The following LRRFIP2 variants were observed in gnomAD, a reference collection of about 807,000 sequenced individuals.
LRRFIP2 encodes leucine-rich repeat flightless-interacting protein 2.
LRRFIP2 carries 109 observed loss-of-function variants against 125.9 expected under a neutral mutation model. The ratio of observed to expected loss-of-function variants is 0.87; its 90% CI spans 0.74 to 1.01. The LOEUF (loss-of-function observed/expected upper bound fraction) is 1.01. LRRFIP2 is among the 50% of genes least tolerant of loss of function. The probability of loss-of-function intolerance (pLI) is 0.00; values close to 1 mark genes in which losing one functional copy is unlikely to be tolerated. For missense variants in LRRFIP2, 850 were observed against 862.3 expected, an observed-to-expected ratio of 0.99 and a Z score of 0.18; for synonymous variants, 291 against 293.1, an observed-to-expected ratio of 0.99 and a Z score of 0.07.
chr3:37,137,754 C>A (rs1159953697), intron 2 of LRRFIP2, among the ~76,000 whole-genome samples: 1 of 152,190 alleles, frequency 6.6e-6, no homozygotes, highest in Non-Finnish European at 1.5e-5. Context: ...TAAACACTTA[C>A]ATTTCTAACA....
rs769019476 is a variant in LRRFIP2, at chr3:37,091,419, CA to C, written c.1107+47del. Reference sequence around the variant, plus strand: ...GAACTTGCAAAGCCACCATTGCCAACACTTCTGCATACAGAGCATGCTTGGG... The same window carrying C: ...GAACTTGCAAAGCCACCATTGCCAACCTTCTGCATACAGAGCATGCTTGGG... On this transcript the variant is annotated intron_variant, in intron 18 of 27. Transcript: ENST00000336686. The C allele has an allele frequency of 1.4e-4, 205 of 1,485,404 alleles. 3 individuals carry two copies. In the Admixed American group the frequency reaches 1.5e-3, roughly 11 times the overall value. The allele number at this position is 1,485,404 out of a possible 1,614,324, so 92.0% of individuals were successfully genotyped here.
At chr3:37,108,517 T>C in intron 12 of LRRFIP2, 120 bp downstream of exon 12, 1 of 777,736 alleles carries the variant, frequency 1.3e-6, no homozygotes. Flanking sequence ...CCAGGTCAGA[T>C]TAAATGACTT....
Position 37,149,105 on chromosome 3 carries a change from T to A in LRRFIP2, c.-55-67A>T, listed in dbSNP as rs2095938523. ...TGCAATTTTCATGCTCATTTATATA[T>A]TCACTTTTAACAGAGAAATTAGTCA... On this transcript the variant is annotated intron_variant, in intron 1 of 27. Coordinates refer to ENST00000336686, the MANE Select transcript of LRRFIP2 (RefSeq NM_006309.4). The A allele has an allele frequency of 7.4e-6, 10 of 1,349,924 alleles. No individual in the cohort carries two copies. The African/African-American group carries it at 1.5e-4, about 20-fold the overall frequency. 83.6% of individuals were successfully genotyped at this position (1,349,924 alleles called of 1,614,324 possible). A position where few individuals can be genotyped will look rare whatever the true frequency, so the allele number is the denominator to read the frequency against.
intron 21 of LRRFIP2, chr3:37,067,569 C>G (rs1314704428): frequency 6.6e-6 from 1 of 152,194 alleles, no homozygotes; most frequent in South Asian, 2.1e-4. Flanking sequence ...AAATTGATAG[C>G]TGAATAGCTG....
Position 37,115,102 on chromosome 3 carries a change from T to A in LRRFIP2, c.331-7A>T. On this transcript the variant is annotated splice_polypyrimidine_tract_variant and splice_region_variant and intron_variant, in intron 6 of 27. Coordinates refer to ENST00000336686, the MANE Select transcript of LRRFIP2 (RefSeq NM_006309.4). Reference sequence around the variant, plus strand: ...TATCCTTGAACATATCATACTGGGTTTCAGCAAAACATGAAAGTTGGTTTG... The same window carrying A: ...TATCCTTGAACATATCATACTGGGTATCAGCAAAACATGAAAGTTGGTTTG... 1 of 1,583,998 alleles carries A rather than the reference T, an allele frequency of 6.3e-7. No individual in the cohort carries two copies. Among genetic ancestry groups the A allele is most frequent in the Non-Finnish European group, 8.6e-7 (1 of 1,159,366 alleles).
chr3:37,129,180 C>A, intron 2 of LRRFIP2, 31 bp from the exon 3 acceptor site: 1 of 1,592,722 alleles, frequency 6.3e-7, no homozygotes. Context: ...CAGCTTTATA[C>A]AACAAAAACA....
rs546921607 is a variant in LRRFIP2, at chr3:37,094,794, G to T, written c.1033C>A (p.Arg345=). 1.3e-5 allele frequency: 21 copies of T among 1,607,376 alleles called. No individual in the cohort carries two copies. The highest frequency in any genetic ancestry group is 1.7e-5 in the Non-Finnish European group (20 of 1,174,452). ...GAAAACCAAAAACTTCAGTTTACCC[G>T]CAATTCACTTAATGAAGTGTCTGGA... The part of the protein sequence containing the change: ...IDPDTSLSEL[R]DIYDLKDQIQ... Residue 345 remains arginine (R), a splice_region_variant and synonymous_variant, in exon 17 of 28, where the codon CGG becomes AGG. Transcript: ENST00000336686.
At position 37,109,544 on chromosome 3, in the gene LRRFIP2, G is replaced by A. The variant is rs2094474177; in HGVS notation, c.592C>T (p.Leu198=). The A allele has an allele frequency of 6.2e-7, 1 of 1,614,000 alleles. No individual in the cohort carries two copies. Among genetic ancestry groups the A allele is most frequent in the Non-Finnish European group, 8.5e-7 (1 of 1,179,936 alleles). ...RASPTANSGL[L]RSASLASLYN... ...ATACAAACCAGACTGGCACTTCTCA[G>A]CAGACCAGAATTTGCAGTAGGAGAG... is the stretch of plus-strand genomic sequence containing the variant. The change falls in exon 11 of 28, where the codon CTG becomes TTG. Residue 198 remains leucine (L), a synonymous_variant. Transcript: ENST00000336686.
At position 37,174,530 on chromosome 3, in the gene LRRFIP2, T is replaced by C. The variant is rs962679830; in HGVS notation, c.-56+9A>G. On this transcript the variant is annotated intron_variant, in intron 1 of 27. Transcript: ENST00000336686. ...ATAGTGCAAATTCTTTCAGTGAACA[T>C]TTTCATACCTTAGTGATGGTAGCTC... is the stretch of plus-strand genomic sequence containing the variant. The C allele has an allele frequency of 1.3e-5, 2 of 152,136 alleles. No homozygotes were observed. The highest frequency in any genetic ancestry group is 2.9e-5 in the Non-Finnish European group (2 of 68,002). The allele number at this position is 152,136 out of a possible 1,614,324, so 9.4% of individuals were successfully genotyped here.
intron 6 of LRRFIP2, among the ~76,000 whole-genome samples, chr3:37,115,782 G>A (rs986309493): frequency 6.6e-6 from 1 of 152,156 alleles, no homozygotes; most frequent in Admixed American, 6.5e-5. Context: ...TTTCATGTAG[G>A]ATCCTTTTTA....
chr3:37,169,882 G>A (rs973948365), intron 1 of LRRFIP2, among the ~76,000 whole-genome samples: 2 of 152,130 alleles, frequency 1.3e-5, no homozygotes, highest in African/African-American at 2.4e-5. Context: ...AAGCACCCTG[G>A]TATGTATTCC....
upstream of LRRFIP2, chr3:37,175,000 A>T (rs1221130830): frequency 6.6e-6 from 1 of 152,222 alleles, no homozygotes; most frequent in Non-Finnish European, 1.5e-5. Flanking sequence ...GTGCTGCAAG[A>T]TATTCAAACC....
At chr3:37,148,823 T>G (rs1007716934) in intron 2 of LRRFIP2, 71 bp downstream of exon 2, 3 of 1,559,602 alleles carry the variant, frequency 1.9e-6, no homozygotes, top group Non-Finnish European at 2.6e-6. Context: ...AACGTCTATA[T>G]CTCTGTCAAA....
intron 20 of LRRFIP2, among the ~76,000 whole-genome samples, chr3:37,073,376 T>C (rs927281463): frequency 3.9e-5 from 6 of 152,218 alleles, no homozygotes; most frequent in Non-Finnish European, 8.8e-5. Flanking sequence ...ACCATGAATT[T>C]TGTATTATTT....
chr3:37,132,075 T>C (rs1003848658), intron 2 of LRRFIP2, among the ~76,000 whole-genome samples: 1 of 152,160 alleles, frequency 6.6e-6, no homozygotes, highest in African/African-American at 2.4e-5. Flanking sequence ...AAACCTATGC[T>C]CTGCTTCAAG....
rs2094412449 is a variant in LRRFIP2 at position 37,108,107 on chromosome 3, GAAT to G, written c.677_679del (p.Tyr226del). 6.2e-7 allele frequency: 1 copy of G among 1,613,712 alleles called. No individual in the cohort carries two copies. Among genetic ancestry groups the G allele is most frequent in the South Asian group, 1.1e-5 (1 of 91,078 alleles). The stretch of plus-strand genomic sequence containing the variant: ...GCTTCGGGCTGAACTTATTCTTGAT[GAAT>G]AATAACTGCATTCAGATGGCTATAA... On this transcript the variant is annotated inframe_deletion, in exon 13 of 28. Transcript: ENST00000336686.
In LRRFIP2 at chr3:37,084,535, C is replaced by T. The variant is rs145947580; in HGVS notation, c.1108-729G>A. On this transcript the variant is annotated intron_variant, in intron 18 of 27. Coordinates refer to ENST00000336686, the MANE Select transcript of LRRFIP2 (RefSeq NM_006309.4). ...TACAAAAATTAGCCAGACACAGTGG[C>T]GCACACCTGTAGTCCCAGCTACTTG... Among the ~76,000 whole-genome samples, 1,382 of 152,070 alleles carry T rather than the reference C, an allele frequency of 9.1e-3. 18 individuals carry two copies. Among genetic ancestry groups the T allele is most frequent in the South Asian group, 0.022 (107 of 4,806 alleles).
chr3:37,153,254 G>GT, intron 1 of LRRFIP2, among the ~76,000 whole-genome samples: 1 of 152,212 alleles, frequency 6.6e-6, no homozygotes, highest in Middle Eastern at 3.4e-3. Context: ...AGCCAGGCAT[G>GT]GTGGCACACG....
At chr3:37,129,536 C>T (rs1262241037) in intron 2 of LRRFIP2, among the ~76,000 whole-genome samples, 2 of 152,202 alleles carry the variant, frequency 1.3e-5, no homozygotes, top group Non-Finnish European at 2.9e-5. Flanking sequence ...AATCAGTCTC[C>T]AAGTACTGAC....
Sources: allele counts gnomAD v4.1 joint callset (sites outside exome capture counted in the v4.1 genomes callset), GRCh38; gene constraint gnomAD v4.1.1; transcripts MANE v1.5; gene names NCBI Gene and HGNC (gene_info 2026-07-23, HGNC 2026-07-21).